Variants in BZW2 observed in about 807,000 individuals in gnomAD.
The protein encoded by BZW2 is eIF5-mimic protein 1.
A neutral mutation model predicts 53.2 loss-of-function variants in BZW2; 23 were observed. The observed-to-expected ratio is 0.43, with a 90% CI of 0.31 to 0.61. The LOEUF is 0.61. Among genes scored for constraint, BZW2 ranks in the 20% least tolerant of loss-of-function variants. BZW2 has a pLI of 0.09. For synonymous variants in BZW2, 227 were observed against 186.4 expected, an observed-to-expected ratio of 1.22 and a Z score of -1.77; for missense variants, 409 against 503.1, an observed-to-expected ratio of 0.81 and a Z score of 1.79.
At chr7:16,669,998 T>C (rs1478096357) in intron 2 of BZW2, among the ~76,000 whole-genome samples, 5 of 152,242 alleles carry the variant, frequency 3.3e-5, no homozygotes, top group East Asian at 1.9e-4. Flanking sequence ...AAAGACTCTT[T>C]AGTTCCAAAG....
In BZW2 at chr7:16,660,260, A is replaced by C. The variant is rs117192978; in HGVS notation, c.-7-5177A>C. ...AAACCCTGTCTCTATCAAAATATAT[A>C]AAAAATTAGCCGGGCCTGGTAGTGT... is the stretch of plus-strand genomic sequence containing the variant. On this transcript the variant is annotated intron_variant, in intron 1 of 11. Coordinates refer to ENST00000258761, the MANE Select transcript of BZW2 (RefSeq NM_014038.3). Among the ~76,000 whole-genome samples the C allele has an allele frequency of 2.3e-4, 35 of 152,120 alleles. No homozygotes were observed. In the East Asian group the frequency reaches 6.4e-3, roughly 28 times the overall value.
In BZW2 at chr7:16,661,222, G is replaced by A. The variant is rs1279294384; in HGVS notation, c.-7-4215G>A. On this transcript the variant is annotated intron_variant, in intron 1 of 11. Transcript: ENST00000258761. ...CAAAGTGCTGGATAATTAGACAGGA[G>A]CAGTCATTCCCTTGTAGGGACAACT... 5 of 152,158 alleles carry A rather than the reference G, an allele frequency of 3.3e-5. 1 individual carries two copies. Among genetic ancestry groups the A allele is most frequent in the African/African-American group, 2.4e-5 (1 of 41,442 alleles). The allele number at this position is 152,158 out of a possible 1,614,324, so 9.4% of individuals were successfully genotyped here. A position where few individuals can be genotyped will look rare whatever the true frequency, so the allele number is the denominator to read the frequency against.
In BZW2 at chr7:16,674,585, C is replaced by T; in HGVS notation, c.232C>T (p.Leu78Phe). 1 of 1,588,302 alleles carries T rather than the reference C, an allele frequency of 6.3e-7. No individual in the cohort carries two copies. The highest frequency in any genetic ancestry group is 8.6e-7 in the Non-Finnish European group (1 of 1,166,710). ...CGATATCCTGGTGGCTGGCAGTATG[C>T]TTGGTAAACCATGCATTATCGCTTC... ...LFDILVAGSM[L>F]APGGTRIDDG... The change falls in exon 3 of 12, where the codon CTT becomes TTT. Residue 78 changes from leucine to phenylalanine, a missense_variant. This residue lies in a region of BZW2 where 316 missense variants were observed against 366.8 expected (regional missense o/e 0.86). Coordinates refer to ENST00000258761, the MANE Select transcript of BZW2 (RefSeq NM_014038.3).
rs189525913 is a variant in BZW2 at position 16,650,876 on chromosome 7, A to G, written c.-8+4588A>G. Among the ~76,000 whole-genome samples, 145 of 152,336 alleles carry G rather than the reference A, an allele frequency of 9.5e-4. No individual in the cohort carries two copies. In the South Asian group the frequency reaches 9.9e-3, roughly 10 times the overall value. On this transcript the variant is annotated intron_variant, in intron 1 of 11. Coordinates refer to ENST00000258761, the MANE Select transcript of BZW2 (RefSeq NM_014038.3). ...GAGTGCCAAAATTGTTCAGGTAGTC[A>G]TATTTGTAAACTATCTATTTTGAAA...
chr7:16,646,196 G>T lies in BZW2; in HGVS notation c.-100G>T. ...TCTGTCCTTCACTCCTCCATTGTCT[G>T]CCGCCACTGCTGCTGCTGCTGCTGC... is the stretch of plus-strand genomic sequence containing the variant. On this transcript the variant is annotated 5_prime_UTR_variant, in exon 1 of 12. Coordinates refer to ENST00000258761, the MANE Select transcript of BZW2 (RefSeq NM_014038.3). 1 of 337,900 alleles carries T rather than the reference G, an allele frequency of 3.0e-6. No homozygotes were observed. The highest frequency in any genetic ancestry group is 6.0e-6 in the Non-Finnish European group (1 of 166,764). The allele number at this position is 337,900 out of a possible 1,614,324, so 20.9% of individuals were successfully genotyped here. A position where few individuals can be genotyped will look rare whatever the true frequency, so the allele number is the denominator to read the frequency against.
At chr7:16,676,127 G>C (rs1264513734) in intron 3 of BZW2, among the ~76,000 whole-genome samples, 1 of 152,140 alleles carries the variant, frequency 6.6e-6, no homozygotes, top group African/African-American at 2.4e-5. Context: ...TTGAGACTGG[G>C]TGACATTATG....
intron 8 of BZW2, 148 bp from the exon 9 acceptor site, chr7:16,696,767 T>C: frequency 1.3e-6 from 1 of 797,932 alleles, no homozygotes. Flanking sequence ...TTCTCCCTCT[T>C]CCAGTCTGAG....
In BZW2 at chr7:16,674,501, A is replaced by C; in HGVS notation, c.148A>C (p.Lys50Gln). 1 of 1,613,576 alleles carries C rather than the reference A, an allele frequency of 6.2e-7. No homozygotes were observed. The highest frequency in any genetic ancestry group is 1.3e-5 in the African/African-American group (1 of 75,032). ...TGGTGATGACCTTGAAGCTGTAGCC[A>C]AATTTCTGGACTCTACAGGCTCAAG... ...EAGDDLEAVA[K>Q]FLDSTGSRLD... is the part of the protein sequence containing the mutation. The change falls in exon 3 of 12, where the codon AAA (lysine) becomes CAA (glutamine). Residue 50 changes from lysine (K) to glutamine (Q), a missense_variant. By Grantham distance (53) the Lys-to-Gln change is moderately conservative (BLOSUM62 1). Transcript: ENST00000258761.
chr7:16,682,380 G>T (rs1445175063), intron 4 of BZW2, among the ~76,000 whole-genome samples: 6 of 152,112 alleles, frequency 3.9e-5, no homozygotes, highest in African/African-American at 1.4e-4. Flanking sequence ...AAACATGTTT[G>T]TTGTCCACCT....
rs577259867 is a variant in BZW2, at chr7:16,706,343, C to G, written c.*255C>G. ...AACTTAAAGCCATTCAACAAGGAGTCAAGTAGATCTGAAATTAAATACTCA... is the reference window on the plus strand; with the variant it reads ...AACTTAAAGCCATTCAACAAGGAGTGAAGTAGATCTGAAATTAAATACTCA... On this transcript the variant is annotated 3_prime_UTR_variant, in exon 12 of 12. Coordinates refer to ENST00000258761, the MANE Select transcript of BZW2 (RefSeq NM_014038.3). The G allele has an allele frequency of 1.4e-5, 6 of 416,808 alleles. No homozygotes were observed. In the South Asian group the frequency reaches 2.6e-4, roughly 18 times the overall value. The allele number at this position is 416,808 out of a possible 1,614,324, so 25.8% of individuals were successfully genotyped here.
At chr7:16,664,559 G>A (rs891332122) in intron 1 of BZW2, among the ~76,000 whole-genome samples, 28 of 152,210 alleles carry the variant, frequency 1.8e-4, no homozygotes, top group African/African-American at 6.3e-4. Flanking sequence ...CTCAATGAGC[G>A]ATGAGACGAG....
At chr7:16,704,368 G>C (rs1402275790) in intron 10 of BZW2, among the ~76,000 whole-genome samples, 179 bp from the exon 11 acceptor site, 1 of 152,120 alleles carries the variant, frequency 6.6e-6, no homozygotes, top group Non-Finnish European at 1.5e-5. Context: ...TAAGCCTTTA[G>C]TAAGCTATCA....
chr7:16,694,456 G>T (rs935096364), intron 7 of BZW2, among the ~76,000 whole-genome samples: 1 of 152,016 alleles, frequency 6.6e-6, no homozygotes, highest in African/African-American at 2.4e-5. Flanking sequence ...TGCTAGCTCA[G>T]GTCTCCCCTC....
intron 6 of BZW2, 174 bp downstream of exon 6, chr7:16,686,214 G>C: frequency 3.0e-6 from 3 of 1,014,076 alleles, no homozygotes; most frequent in Non-Finnish European, 4.2e-6. Context: ...GAGTGGACTT[G>C]TTAATTGTAG....
intron 5 of BZW2, among the ~76,000 whole-genome samples, chr7:16,684,491 A>G (rs547983430): frequency 7.9e-5 from 12 of 152,360 alleles, no homozygotes; most frequent in Non-Finnish European, 2.9e-5. Context: ...TAATTTTTGT[A>G]CCATTTCTAT....
intron 7 of BZW2, among the ~76,000 whole-genome samples, chr7:16,690,481 A>T (rs1032127093): frequency 2.6e-5 from 4 of 152,216 alleles, no homozygotes; most frequent in African/African-American, 9.6e-5. Context: ...CTGGGATTAT[A>T]GGCGTGAGCC....
intron 7 of BZW2, 136 bp from the exon 8 acceptor site, chr7:16,694,698 T>G: frequency 2.9e-6 from 2 of 695,372 alleles, no homozygotes; most frequent in Non-Finnish European, 4.3e-6. Context: ...ATACCAGAGA[T>G]TTGTTGTTTT....
chr7:16,704,973 A>G (rs567367275), intron 11 of BZW2, among the ~76,000 whole-genome samples: 2 of 152,378 alleles, frequency 1.3e-5, no homozygotes, highest in African/African-American at 2.4e-5. Context: ...ATCACGCATT[A>G]TGGAATTCTA....
intron 7 of BZW2, among the ~76,000 whole-genome samples, chr7:16,691,245 CCAGTAGAGAA>C (rs1427947110): frequency 3.3e-5 from 5 of 152,130 alleles, no homozygotes; most frequent in African/African-American, 1.2e-4. Context: ...AGCTGCAGAG[CCAGTAGAGAA>C]CAGGATAGAA....
Sources: gnomAD v4.1 joint callset for allele counts (sites outside exome capture counted in the v4.1 genomes callset) on GRCh38, gnomAD v4.1.1 for gene constraint, gnomAD v4.1.1 regional missense constraint, MANE v1.5 for transcripts, NCBI Gene and HGNC (gene_info 2026-07-23, HGNC 2026-07-21) for gene names.